Variants in DST observed in about 807,000 individuals in gnomAD.
The protein encoded by DST is dystonin.
Under a neutral mutation model 875.2 loss-of-function variants are expected in DST, and 253 were observed. That is an observed-to-expected ratio of 0.29 (90% CI 0.26 to 0.32). The LOEUF (loss-of-function observed/expected upper bound fraction) is 0.32. Among genes scored for constraint, DST ranks in the 10% least tolerant of loss-of-function variants. The pLI, the probability that DST is intolerant of heterozygous loss-of-function variation, is 1.00. For synonymous variants in DST, 3,124 were observed against 3,197.1 expected (o/e 0.98, Z 0.77); for missense variants, 8,287 against 9,111.6 (o/e 0.91, Z 3.68).
At chr6:56,695,192 T>C (rs900228005) in intron 9 of DST, among the ~76,000 whole-genome samples, 1 of 146,888 alleles carries the variant, frequency 6.8e-6, no homozygotes, top group African/African-American at 2.5e-5. Flanking sequence ...CCCCTCCTCC[T>C]CCTTCTCTCT....
chr6:56,458,985 C>A lies in DST; in HGVS notation c.*20G>T, dbSNP rs375622195. 7.0e-6 allele frequency: 11 copies of A among 1,568,722 alleles called. No individual in the cohort carries two copies. The highest frequency in any genetic ancestry group is 8.7e-6 in the Non-Finnish European group (10 of 1,154,320). On this transcript the variant is annotated 3_prime_UTR_variant, in exon 104 of 104. Transcript: ENST00000680361. ...TAAATAATAAATGCTCAAGGAAGGG[C>A]CTTGGTAGAACCAATTGCACTATCT...
chr6:56,634,689 T>A (rs2098810375), intron 25 of DST, 73 bp from the exon 26 acceptor site: 1 of 1,608,578 alleles, frequency 6.2e-7, no homozygotes, highest in South Asian at 1.1e-5. Context: ...ATCCTGGGAT[T>A]TTTTTTGTTT....
intron 98 of DST, among the ~76,000 whole-genome samples, chr6:56,468,334 C>A (rs2094696230): frequency 2.0e-5 from 3 of 152,084 alleles, no homozygotes; most frequent in African/African-American, 7.2e-5. Flanking sequence ...AATATTCGAT[C>A]AAGATGGCAT....
At chr6:56,542,333 AAAG>A (rs1277524269) in intron 61 of DST, among the ~76,000 whole-genome samples, 1 of 151,544 alleles carries the variant, frequency 6.6e-6, no homozygotes, top group Non-Finnish European at 1.5e-5. Context: ...TCAAAGGAAG[AAAG>A]AAAAAAACAC....
At chr6:56,620,467 A>T (rs2098679718) in intron 36 of DST, 1 of 1,613,954 alleles carries the variant, frequency 6.2e-7, no homozygotes, top group Non-Finnish European at 8.5e-7. Flanking sequence ...CTTCACTTTC[A>T]GCCCTTATCT....
chr6:56,522,176 T>A (rs918784114), intron 69 of DST, among the ~76,000 whole-genome samples: 14 of 152,154 alleles, frequency 9.2e-5, no homozygotes, highest in Non-Finnish European at 2.1e-4. Context: ...CACATTGTTC[T>A]AAGTGCTTAA....
In DST at chr6:56,458,951, G is replaced by A. The variant is rs1003347545; in HGVS notation, c.*54C>T. 2.6e-5 allele frequency: 39 copies of A among 1,475,650 alleles called. No individual in the cohort carries two copies. Among genetic ancestry groups the A allele is most frequent in the South Asian group, 3.2e-5 (2 of 62,926 alleles). The allele number at this position is 1,475,650 out of a possible 1,614,324, so 91.4% of individuals were successfully genotyped here. A position where few individuals can be genotyped will look rare whatever the true frequency, so the allele number is the denominator to read the frequency against. The stretch of plus-strand genomic sequence containing the variant: ...GAATTTCTACACCATATTTTACATC[G>A]TTCAAACTTAAATAATAAATGCTCA... On this transcript the variant is annotated 3_prime_UTR_variant, in exon 104 of 104. Transcript: ENST00000680361.
intron 10 of DST, among the ~76,000 whole-genome samples, chr6:56,656,067 T>C (rs1390764864): frequency 6.6e-6 from 1 of 152,240 alleles, no homozygotes; most frequent in Non-Finnish European, 1.5e-5. Context: ...TTCCTGGAGA[T>C]ATGTTCCATC....
At chr6:56,786,050 C>G (rs1489001719) in intron 4 of DST, among the ~76,000 whole-genome samples, 1 of 152,128 alleles carries the variant, frequency 6.6e-6, no homozygotes, top group Non-Finnish European at 1.5e-5. Flanking sequence ...ATTTTCATGT[C>G]CCCAGCACCT....
rs1563351242 is a variant in DST at position 56,635,721 on chromosome 6, A to G, written c.3061-7T>C. The G allele has an allele frequency of 1.9e-6, 3 of 1,613,444 alleles. No homozygotes were observed. The highest frequency in any genetic ancestry group is 1.7e-4 in the Middle Eastern group (1 of 6,058). ...CTTTGGCATCATTGAAAAACTAAGG[A>G]AAGATGAAACCTGGAAGTTAAAGTA... On this transcript the variant is annotated splice_region_variant and splice_polypyrimidine_tract_variant and intron_variant, in intron 23 of 103. Coordinates refer to ENST00000680361, the MANE Select transcript of DST (RefSeq NM_001374736.1).
At chr6:56,630,485 C>T (rs2098769125) in intron 30 of DST, 102 bp from the exon 31 acceptor site, 3 of 977,972 alleles carry the variant, frequency 3.1e-6, no homozygotes, top group Non-Finnish European at 4.7e-6. Flanking sequence ...ACATGTTCTT[C>T]ACCTTGGAAC....
At chr6:56,492,536 G>T in intron 84 of DST, 103 bp from the exon 85 acceptor site, 2 of 1,175,706 alleles carry the variant, frequency 1.7e-6, no homozygotes, top group Non-Finnish European at 2.4e-6. Flanking sequence ...AAGGACAAAC[G>T]AAAGCTTTCG....
chr6:56,531,370 T>C (rs528692190), intron 64 of DST, among the ~76,000 whole-genome samples: 1 of 152,250 alleles, frequency 6.6e-6, no homozygotes, highest in Non-Finnish European at 1.5e-5. Context: ...CATTCACTCA[T>C]TTATTATTTT....
At chr6:56,715,920 G>A (rs746093204) in intron 5 of DST, among the ~76,000 whole-genome samples, 29 of 152,088 alleles carry the variant, frequency 1.9e-4, no homozygotes, top group Admixed American at 4.6e-4. Context: ...TGTGAAGAGG[G>A]TACATAAGCC....
intron 4 of DST, among the ~76,000 whole-genome samples, chr6:56,765,199 A>G (rs1296598920): frequency 6.6e-6 from 1 of 152,178 alleles, no homozygotes; most frequent in African/African-American, 2.4e-5. Flanking sequence ...TGTTTTATAC[A>G]AAGTCCACCA....
chr6:56,910,377 C>CA (rs1933858791), intron 2 of DST, among the ~76,000 whole-genome samples: 1 of 152,212 alleles, frequency 6.6e-6, no homozygotes, highest in Non-Finnish European at 1.5e-5. Flanking sequence ...AGGCTGGTCT[C>CA]AAACTCCTGG....
chr6:56,485,306 C>T lies in DST; in HGVS notation c.21207+6G>A, dbSNP rs1377853447. 2.5e-6 allele frequency: 4 copies of T among 1,613,576 alleles called. No individual in the cohort carries two copies. The highest frequency in any genetic ancestry group is 3.4e-6 in the Non-Finnish European group (4 of 1,179,676). On this transcript the variant is annotated splice_donor_region_variant and intron_variant, in intron 88 of 103. Transcript: ENST00000680361. Reference sequence around the variant, plus strand: ...AGATAAAATAAAATGTCCCAGATAACAATACCTTGTGATTATCGATCAGAT... The same window carrying T: ...AGATAAAATAAAATGTCCCAGATAATAATACCTTGTGATTATCGATCAGAT...
intron 5 of DST, among the ~76,000 whole-genome samples, chr6:56,718,833 G>C (rs1352435348): frequency 6.6e-6 from 1 of 152,210 alleles, no homozygotes; most frequent in Non-Finnish European, 1.5e-5. Context: ...TTCTGTTTAT[G>C]TGAAATATCC....
intron 2 of DST, among the ~76,000 whole-genome samples, chr6:56,921,431 T>G (rs2127740702): frequency 6.6e-6 from 1 of 152,332 alleles, no homozygotes; most frequent in South Asian, 2.1e-4. Flanking sequence ...TAACTTTGCA[T>G]AATCTATGGA....
Sources: gnomAD v4.1 joint callset for allele counts (sites outside exome capture counted in the v4.1 genomes callset) on GRCh38, gnomAD v4.1.1 for gene constraint, MANE v1.5 for transcripts, NCBI Gene and HGNC (gene_info 2026-07-23, HGNC 2026-07-21) for gene names.